Variants in SRGAP1 observed in about 807,000 individuals in gnomAD.
SRGAP1 encodes SLIT-ROBO Rho GTPase-activating protein 1.
Under a neutral mutation model 121.9 loss-of-function variants are expected in SRGAP1, and 43 were observed. The observed-to-expected ratio is 0.35, with a 90% CI of 0.28 to 0.46. The LOEUF (loss-of-function observed/expected upper bound fraction) is 0.46, where lower values mean the gene tolerates loss of function less well. Ranked by LOEUF, SRGAP1 falls within the 20% of genes least tolerant of loss-of-function variation. The pLI is 1.00. For synonymous variants in SRGAP1, 447 were observed against 485.4 expected (o/e 0.92, Z 1.04); for missense variants, 1,102 against 1,350.9 (o/e 0.82, Z 2.89).
chr12:64,091,974 T>C (rs2036061494), intron 12 of SRGAP1: 5 of 1,464,348 alleles, frequency 3.4e-6, no homozygotes, highest in Admixed American at 2.0e-5. Context: ...GTTGGTATCA[T>C]TTTCAAGTCG....
intron 3 of SRGAP1, among the ~76,000 whole-genome samples, chr12:63,992,158 T>G (rs1214331752): frequency 6.6e-6 from 1 of 152,180 alleles, no homozygotes; most frequent in African/African-American, 2.4e-5. Flanking sequence ...TGATGGGATG[T>G]GAAGCTAGAA....
intron 4 of SRGAP1, among the ~76,000 whole-genome samples, chr12:64,017,386 C>T (rs1565641396): frequency 6.6e-6 from 1 of 152,046 alleles, no homozygotes; most frequent in Admixed American, 6.6e-5. Flanking sequence ...GCCATTGTGG[C>T]CAGGCGTGGT....
chr12:63,884,818 A>G (rs1347906225), intron 1 of SRGAP1, among the ~76,000 whole-genome samples: 8 of 148,630 alleles, frequency 5.4e-5, no homozygotes, highest in Non-Finnish European at 1.2e-4. Flanking sequence ...ACCCAGGTTC[A>G]AGGCCATTCT....
intron 15 of SRGAP1, among the ~76,000 whole-genome samples, chr12:64,108,114 T>C (rs1231852047): frequency 6.6e-6 from 1 of 152,236 alleles, no homozygotes; most frequent in Admixed American, 6.5e-5. Context: ...TTAACTTAGA[T>C]AGCAAGTGTG....
At chr12:63,906,716 G>T (rs1013767026) in intron 1 of SRGAP1, among the ~76,000 whole-genome samples, 1 of 152,094 alleles carries the variant, frequency 6.6e-6, no homozygotes, top group Non-Finnish European at 1.5e-5. Flanking sequence ...CAATCATGAA[G>T]CTAAAATGAT....
chr12:63,950,729 G>A (rs2032259551), intron 1 of SRGAP1, among the ~76,000 whole-genome samples: 2 of 152,196 alleles, frequency 1.3e-5, no homozygotes, highest in African/African-American at 4.8e-5. Context: ...TTTGCATTCC[G>A]TAGAATTGTT....
intron 1 of SRGAP1, among the ~76,000 whole-genome samples, chr12:63,873,773 A>G (rs768989002): frequency 3.1e-4 from 47 of 151,348 alleles, no homozygotes; most frequent in Non-Finnish European, 5.2e-4. Context: ...GGTTCAAGTG[A>G]TTCTCCTGCC....
At chr12:63,872,084 GA>G (rs1899873077) in intron 1 of SRGAP1, 1 of 671,508 alleles carries the variant, frequency 1.5e-6, no homozygotes, top group Non-Finnish European at 2.7e-6. Flanking sequence ...ATGAACACAA[GA>G]AACAGTGTCC....
At chr12:63,892,125 A>G (rs1427432331) in intron 1 of SRGAP1, among the ~76,000 whole-genome samples, 1 of 152,206 alleles carries the variant, frequency 6.6e-6, no homozygotes, top group East Asian at 1.9e-4. Flanking sequence ...TCAAAGTAAT[A>G]TATGCACATA....
At chr12:63,851,419 A>G (rs1160991903) in intron 1 of SRGAP1, among the ~76,000 whole-genome samples, 23 of 151,926 alleles carry the variant, frequency 1.5e-4, no homozygotes, top group Admixed American at 1.5e-3. Context: ...ATGGCGAGAC[A>G]CCATCTCTAA....
At chr12:64,095,230 C>T in intron 14 of SRGAP1, 26 bp downstream of exon 14, 1 of 1,599,752 alleles carries the variant, frequency 6.3e-7, no homozygotes, top group East Asian at 2.2e-5. Flanking sequence ...TCCCTATAAG[C>T]AAACCACGTT....
intron 6 of SRGAP1, among the ~76,000 whole-genome samples, chr12:64,057,153 C>G (rs2035358659): frequency 6.6e-6 from 1 of 152,118 alleles, no homozygotes; most frequent in Non-Finnish European, 1.5e-5. Context: ...GGCTGAGGCA[C>G]ATGCAACTCA....
At chr12:63,890,750 G>C (rs1368366713) in intron 1 of SRGAP1, among the ~76,000 whole-genome samples, 18 of 152,190 alleles carry the variant, frequency 1.2e-4, no homozygotes, top group Non-Finnish European at 1.5e-5. Context: ...GGTTTCTGCA[G>C]GCCCCAGGAG....
At chr12:63,886,196 G>A (rs1196402338) in intron 1 of SRGAP1, among the ~76,000 whole-genome samples, 1 of 152,060 alleles carries the variant, frequency 6.6e-6, no homozygotes, top group Non-Finnish European at 1.5e-5. Flanking sequence ...GAGTAGCTGG[G>A]GCTACAGGCA....
intron 1 of SRGAP1, among the ~76,000 whole-genome samples, chr12:63,860,390 T>G (rs1211990998): frequency 1.3e-5 from 2 of 152,174 alleles, no homozygotes; most frequent in Non-Finnish European, 2.9e-5. Flanking sequence ...GAACTGAGAG[T>G]AATAGTGTTT....
At chr12:64,088,083 A>G (rs2035980648) in intron 11 of SRGAP1, among the ~76,000 whole-genome samples, 1 of 152,236 alleles carries the variant, frequency 6.6e-6, no homozygotes, top group African/African-American at 2.4e-5. Flanking sequence ...ACACTGGTAT[A>G]TCTGCTGCAG....
chr12:63,923,944 C>T (rs1438915316), intron 1 of SRGAP1, among the ~76,000 whole-genome samples: 1 of 152,168 alleles, frequency 6.6e-6, no homozygotes, highest in Non-Finnish European at 1.5e-5. Context: ...GAGTTCGAGA[C>T]CAGCCTGGCC....
At chr12:63,924,653 A>C (rs1290147875) in intron 1 of SRGAP1, among the ~76,000 whole-genome samples, 1 of 152,212 alleles carries the variant, frequency 6.6e-6, no homozygotes, top group East Asian at 1.9e-4. Context: ...GGTTTCCGTG[A>C]CTTTTTGCTT....
chr12:64,042,391 A>G (rs1375236754), intron 4 of SRGAP1, among the ~76,000 whole-genome samples: 1 of 152,168 alleles, frequency 6.6e-6, no homozygotes, highest in Non-Finnish European at 1.5e-5. Flanking sequence ...TTCCTTTAAT[A>G]AAGACTGTAC....
Sources: gnomAD v4.1 joint callset for allele counts (sites outside exome capture counted in the v4.1 genomes callset) on GRCh38, gnomAD v4.1.1 for gene constraint, MANE v1.5 for transcripts, NCBI Gene and HGNC (gene_info 2026-07-23, HGNC 2026-07-21) for gene names.